The following ZC3H7A variants were observed in gnomAD, a reference collection of about 807,000 sequenced individuals.
ZC3H7A encodes the protein zinc finger CCCH domain-containing protein 7A.
ZC3H7A carries 44 observed loss-of-function variants against 125.5 expected under a neutral mutation model. The observed-to-expected ratio is 0.35, with a 90% confidence interval of 0.28 to 0.45. ZC3H7A has a LOEUF of 0.45. Among genes scored for constraint, ZC3H7A ranks in the 20% least tolerant of loss-of-function variants. The probability of loss-of-function intolerance (pLI) is 1.00; values close to 1 mark genes in which losing one functional copy is unlikely to be tolerated. For synonymous variants in ZC3H7A, 399 were observed against 391.2 expected, an observed-to-expected ratio of 1.02 and a Z score of -0.23; for missense variants, 977 against 1,170.7, an observed-to-expected ratio of 0.83 and a Z score of 2.41.
chr16:11,766,937 T>G (rs1221172750), intron 13 of ZC3H7A, among the ~76,000 whole-genome samples: 12 of 152,148 alleles, frequency 7.9e-5, no homozygotes, highest in Non-Finnish European at 1.5e-4. Context: ...TATTAACATC[T>G]CAATCCAAGG....
At position 11,776,471 on chromosome 16, in the gene ZC3H7A, T is replaced by C. The variant is rs377475914; in HGVS notation, c.527A>G (p.Lys176Arg). Residue 176 changes from lysine (K) to arginine (R), a missense_variant, in exon 6 of 23, where the codon AAA (lysine) becomes AGA (arginine). Lys to Arg is a conservative substitution (Grantham distance 26). Coordinates refer to ENST00000355758, the MANE Select transcript of ZC3H7A (RefSeq NM_014153.4). ...LAQKLGFKIRKAYVRAELSLK... is the reference protein window; with the variant it reads ...LAQKLGFKIRRAYVRAELSLK... ...GCTTACCTCAGCTCTGACATACGCT[T>C]TTCTTATTTTAAATCCCAATTTCTG... 5 of 1,611,518 alleles carry C rather than the reference T, an allele frequency of 3.1e-6. No individual in the cohort carries two copies. Among genetic ancestry groups the C allele is most frequent in the Non-Finnish European group, 4.2e-6 (5 of 1,179,396 alleles).
chr16:11,774,162 C>T, intron 9 of ZC3H7A, 74 bp downstream of exon 9: 3 of 1,382,626 alleles, frequency 2.2e-6, no homozygotes, highest in Non-Finnish European at 2.8e-6. Flanking sequence ...CTGAAAAAGT[C>T]TATCAAGTTA....
chr16:11,794,808 A>G (rs2053409115), intron 1 of ZC3H7A, among the ~76,000 whole-genome samples: 1 of 152,240 alleles, frequency 6.6e-6, no homozygotes, highest in Non-Finnish European at 1.5e-5. Flanking sequence ...TTTTAAAATC[A>G]GTCAAAACTA....
chr16:11,779,799 C>A (rs539433659), intron 3 of ZC3H7A, among the ~76,000 whole-genome samples: 1 of 151,992 alleles, frequency 6.6e-6, no homozygotes, highest in African/African-American at 2.4e-5. Context: ...TGTGTGTACA[C>A]GTGTGTGGGT....
intron 19 of ZC3H7A, 94 bp from the exon 20 acceptor site, chr16:11,758,633 G>A (rs941132573): frequency 3.9e-6 from 3 of 775,968 alleles, no homozygotes; most frequent in Admixed American, 5.2e-5. Context: ...TATTATCCAT[G>A]CTAATACTTA....
At chr16:11,752,869 C>A (rs1597527232) in intron 21 of ZC3H7A, 37 bp from the exon 22 acceptor site, 2 of 1,593,836 alleles carry the variant, frequency 1.3e-6, no homozygotes, top group East Asian at 2.2e-5. Context: ...CATTAGTCAC[C>A]TGATGTGAGA....
At chr16:11,762,785 TAAG>T (rs1567376420) in intron 16 of ZC3H7A, 38 bp from the exon 17 acceptor site, 1 of 1,603,648 alleles carries the variant, frequency 6.2e-7, no homozygotes, top group East Asian at 2.2e-5. Context: ...ATTATATCTA[TAAG>T]AACAACAGCC....
chr16:11,779,466 A>C, intron 3 of ZC3H7A, 103 bp from the exon 4 acceptor site: 1 of 979,418 alleles, frequency 1.0e-6, no homozygotes, highest in Non-Finnish European at 1.5e-6. Context: ...ACAATGTGAC[A>C]GAACAGCAGC....
In ZC3H7A at chr16:11,776,761, G is replaced by A. The variant is rs571259273; in HGVS notation, c.455C>T (p.Ala152Val). 9.9e-6 allele frequency: 16 copies of A among 1,608,536 alleles called. No individual in the cohort carries two copies. In the Admixed American group the frequency reaches 1.2e-4, roughly 12 times the overall value. Residue 152 changes from alanine to valine, a missense_variant, in exon 5 of 23, where the codon GCA becomes GTA. Physicochemically the swap from Ala to Val is moderately conservative, Grantham distance 64. Around this residue, in one of 3 missense-constraint regions of ZC3H7A, gnomAD observed 199 missense variants for 256.1 expected, o/e 0.78. Transcript: ENST00000355758. ...AYDAVAKCSLAVPQDEHVIKL... is the reference protein window; with the variant it reads ...AYDAVAKCSLVVPQDEHVIKL... ...CTATAAATTCCATACCTGAGGCACT[G>A]CTAAGGAGCACTTTGCTACAGCATC... is the stretch of plus-strand genomic sequence containing the variant.
In ZC3H7A at chr16:11,752,841, C is replaced by T. The variant is rs1244187964; in HGVS notation, c.2563-9G>A. ...CAGCAGTGAAAGTCCACCTAATGTGCAGCAAAGACACATGTCCCATTAGTC... is the reference window on the plus strand; with the variant it reads ...CAGCAGTGAAAGTCCACCTAATGTGTAGCAAAGACACATGTCCCATTAGTC... On this transcript the variant is annotated splice_polypyrimidine_tract_variant and intron_variant, in intron 21 of 22. Transcript: ENST00000355758. The T allele has an allele frequency of 1.2e-6, 2 of 1,610,062 alleles. No homozygotes were observed. Among genetic ancestry groups the T allele is most frequent in the South Asian group, 1.1e-5 (1 of 90,852 alleles).
chr16:11,793,432 C>G (rs2053383759), intron 1 of ZC3H7A, among the ~76,000 whole-genome samples: 1 of 151,570 alleles, frequency 6.6e-6, no homozygotes, highest in African/African-American at 2.4e-5. Context: ...ACTCGGGAGA[C>G]TGAGGCAGAA....
chr16:11,776,010 A>AT (rs1427439050), intron 7 of ZC3H7A, among the ~76,000 whole-genome samples: 1 of 152,098 alleles, frequency 6.6e-6, no homozygotes, highest in Non-Finnish European at 1.5e-5. Context: ...AAATACAAAA[A>AT]TTTAACAGGC....
intron 22 of ZC3H7A, among the ~76,000 whole-genome samples, chr16:11,751,740 T>C (rs1042161217): frequency 2.0e-5 from 3 of 152,068 alleles, no homozygotes; most frequent in Non-Finnish European, 2.9e-5. Flanking sequence ...AAAAAGACTA[T>C]AGTTGTTCCT....
chr16:11,752,630 A>ATT, intron 22 of ZC3H7A, 39 bp downstream of exon 22: 4 of 1,583,980 alleles, frequency 2.5e-6, no homozygotes, highest in Non-Finnish European at 2.6e-6. Context: ...ATTTGAGGTC[A>ATT]GCAATTCTGA....
intron 10 of ZC3H7A, among the ~76,000 whole-genome samples, chr16:11,769,510 C>G (rs1312278412): frequency 2.0e-5 from 3 of 151,518 alleles, no homozygotes; most frequent in Non-Finnish European, 4.4e-5. Flanking sequence ...GAGTTTGAGA[C>G]CAGCCTGGCC....
Position 11,774,348 on chromosome 16 carries a change from C to T in ZC3H7A, c.791G>A (p.Gly264Glu). The T allele has an allele frequency of 6.2e-7, 1 of 1,614,040 alleles. No homozygotes were observed. The highest frequency in any genetic ancestry group is 8.5e-7 in the Non-Finnish European group (1 of 1,179,962). ...TTCTGGCATAGTGAAGGGCATCTTTCCTCCATTTGCCAGCACTGCAGATGG... is the reference window on the plus strand; with the variant it reads ...TTCTGGCATAGTGAAGGGCATCTTTTCTCCATTTGCCAGCACTGCAGATGG... ...ALPSAVLANG[G>E]KMPFTMPEAF... is the part of the protein sequence containing the mutation. Residue 264 changes from glycine to glutamate, a missense_variant, in exon 9 of 23, where the codon GGA (glycine) becomes GAA (glutamate). Coordinates refer to ENST00000355758, the MANE Select transcript of ZC3H7A (RefSeq NM_014153.4).
At position 11,765,488 on chromosome 16, in the gene ZC3H7A, C is replaced by A; in HGVS notation, c.1719+1G>T. The A allele has an allele frequency of 6.2e-7, 1 of 1,608,830 alleles. No homozygotes were observed. Among genetic ancestry groups the A allele is most frequent in the Non-Finnish European group, 8.5e-7 (1 of 1,177,012 alleles). ...TGGAAAATAAGTTTTGGAGAACACACCTCACAAAGGAATATAAATTCCCCA... is the reference window on the plus strand; with the variant it reads ...TGGAAAATAAGTTTTGGAGAACACAACTCACAAAGGAATATAAATTCCCCA... On this transcript the variant is annotated splice_donor_variant, in intron 14 of 22. Coordinates refer to ENST00000355758, the MANE Select transcript of ZC3H7A (RefSeq NM_014153.4). LOFTEE classifies it high-confidence loss of function. The surrounding 1 kb of genome is among the most constrained non-coding windows in gnomAD (Gnocchi z 4.8).
At chr16:11,766,719 C>G (rs954273077) in intron 13 of ZC3H7A, among the ~76,000 whole-genome samples, 1 of 152,042 alleles carries the variant, frequency 6.6e-6, no homozygotes, top group Non-Finnish European at 1.5e-5. Context: ...CCTGTCTCTA[C>G]TAAAAATACA....
At chr16:11,786,989 T>C (rs1416234748) in intron 1 of ZC3H7A, among the ~76,000 whole-genome samples, 1 of 152,156 alleles carries the variant, frequency 6.6e-6, no homozygotes, top group African/African-American at 2.4e-5. Context: ...TTTTTTAAGG[T>C]AAAACACGCA....
Sources: gnomAD v4.1 joint callset for allele counts (sites outside exome capture counted in the v4.1 genomes callset) on GRCh38, gnomAD v4.1.1 for gene constraint, gnomAD v4.1.1 regional missense constraint, Gnocchi (gnomAD v3.1) non-coding constraint, MANE v1.5 for transcripts, NCBI Gene and HGNC (gene_info 2026-07-23, HGNC 2026-07-21) for gene names.